The following CNIH4 variants were observed in gnomAD, a reference collection of about 807,000 sequenced individuals.
The protein encoded by CNIH4 is cornichon family member 4.
A neutral mutation model predicts 21.5 loss-of-function variants in CNIH4; 9 were observed. The ratio of observed to expected loss-of-function variants is 0.42; its 90% confidence interval spans 0.25 to 0.73. The LOEUF (loss-of-function observed/expected upper bound fraction) is 0.73, where lower values mean the gene tolerates loss of function less well. Ranked by LOEUF, CNIH4 falls within the 30% of genes least tolerant of loss-of-function variation. The pLI is 0.27. For missense variants in CNIH4, 159 were observed against 170.0 expected (o/e 0.94, Z 0.36); for synonymous variants, 67 against 59.1 (o/e 1.13, Z -0.61).
chr1:224,366,870 G>A (rs1291105563), intron 3 of CNIH4, among the ~76,000 whole-genome samples: 1 of 152,018 alleles, frequency 6.6e-6, no homozygotes, highest in African/African-American at 2.4e-5. Context: ...GGCTGAGGTG[G>A]GAGAATGGCG....
chr1:224,374,559 C>T (rs1425607524), intron 4 of CNIH4, among the ~76,000 whole-genome samples: 5 of 151,880 alleles, frequency 3.3e-5, no homozygotes, highest in Non-Finnish European at 5.9e-5. Flanking sequence ...GGATTATAGG[C>T]GCACGCCACC....
chr1:224,375,555 T>C (rs1256657771), intron 4 of CNIH4, among the ~76,000 whole-genome samples: 2 of 152,212 alleles, frequency 1.3e-5, no homozygotes, highest in African/African-American at 2.4e-5. Context: ...TTTTTAACTA[T>C]AGCCTAACAT....
chr1:224,371,110 C>G (rs10799569), intron 3 of CNIH4, among the ~76,000 whole-genome samples, 173 bp from the exon 4 acceptor site: 104,350 of 152,068 alleles, frequency 0.69, 38,242 homozygotes, highest in East Asian at 0.99. Context: ...CTCCTGACCT[C>G]AGGTGATCCA....
chr1:224,365,800 C>G (rs1195362450), intron 2 of CNIH4, 79 bp from the exon 3 acceptor site: 6 of 891,030 alleles, frequency 6.7e-6, no homozygotes, highest in Non-Finnish European at 1.1e-5. Flanking sequence ...TCTGTACGTT[C>G]ATTGATTTAG....
chr1:224,379,178 C>T lies in CNIH4; in HGVS notation c.*3356C>T, dbSNP rs1004825395. The T allele has an allele frequency of 1.5e-6, 2 of 1,343,644 alleles. No homozygotes were observed. The highest frequency in any genetic ancestry group is 1.3e-5 in the South Asian group (1 of 79,796). The allele number at this position is 1,343,644 out of a possible 1,614,324, so 83.2% of individuals were successfully genotyped here. A position where few individuals can be genotyped will look rare whatever the true frequency, so the allele number is the denominator to read the frequency against. On this transcript the variant is annotated 3_prime_UTR_variant, in exon 5 of 5. Transcript: ENST00000465271. ...AAGCCTAGCAGGTCCCCTCAGCTGC[C>T]TTTTCATGCCTGCCACAGACTACAG...
chr1:224,372,018 A>G (rs1646238770), intron 4 of CNIH4, among the ~76,000 whole-genome samples: 1 of 152,182 alleles, frequency 6.6e-6, no homozygotes, highest in Non-Finnish European at 1.5e-5. Flanking sequence ...TATGTGCCTC[A>G]GCGACCATCC....
chr1:224,360,208 T>G (rs1275933138), intron 1 of CNIH4, among the ~76,000 whole-genome samples: 1 of 148,636 alleles, frequency 6.7e-6, no homozygotes, highest in African/African-American at 2.6e-5. Context: ...TGCTGGGATA[T>G]TTCCCATTTT....
chr1:224,379,253 C>G lies in CNIH4; in HGVS notation c.*3431C>G, dbSNP rs921281639. The G allele has an allele frequency of 4.4e-6, 3 of 674,212 alleles. No homozygotes were observed. In the African/African-American group the frequency reaches 5.4e-5, roughly 12 times the overall value. The allele number at this position is 674,212 out of a possible 1,614,324, so 41.8% of individuals were successfully genotyped here. A position where few individuals can be genotyped will look rare whatever the true frequency, so the allele number is the denominator to read the frequency against. On this transcript the variant is annotated 3_prime_UTR_variant, in exon 5 of 5. Transcript: ENST00000465271. ...TGAAGTTAAGAGCTAAGAAAGCTTC[C>G]TATAGTAGTATCTCCCATGGCACTT...
intron 2 of CNIH4, chr1:224,364,158 A>G: frequency 6.1e-6 from 6 of 982,344 alleles, no homozygotes; most frequent in Non-Finnish European, 7.3e-6. Context: ...GAGGCCGAGG[A>G]GGGAGAATCA....
At chr1:224,369,966 GC>G (rs1282343414) in intron 3 of CNIH4, among the ~76,000 whole-genome samples, 20 of 152,132 alleles carry the variant, frequency 1.3e-4, no homozygotes, top group African/African-American at 4.3e-4. Flanking sequence ...GAGCCACTGT[GC>G]CCAGCCTTAC....
Position 224,360,538 on chromosome 1 carries a change from G to T in CNIH4, c.113G>T (p.Arg38Ile). Residue 38 changes from arginine to isoleucine, a missense_variant, in exon 2 of 5, where the codon AGA becomes ATA. Physicochemically the swap from Arg to Ile is moderately conservative, Grantham distance 97. Coordinates refer to ENST00000465271, the MANE Select transcript of CNIH4 (RefSeq NM_014184.4). ...SDLECDYINA[R>I]SCCSKLNKWV... The stretch of plus-strand genomic sequence containing the variant: ...TTAGAATGTGATTACATTAATGCTA[G>T]ATCATGTTGCTCAAAATTAAACAAG... The T allele has an allele frequency of 1.3e-6, 2 of 1,486,182 alleles. No individual in the cohort carries two copies. The highest frequency in any genetic ancestry group is 1.8e-6 in the Non-Finnish European group (2 of 1,112,734). The allele number at this position is 1,486,182 out of a possible 1,614,324, so 92.1% of individuals were successfully genotyped here.
chr1:224,371,826 C>T (rs1034682730), intron 4 of CNIH4, among the ~76,000 whole-genome samples: 4 of 152,208 alleles, frequency 2.6e-5, no homozygotes, highest in African/African-American at 9.6e-5. Context: ...CCTGTAATCC[C>T]AGCTACTTGG....
chr1:224,373,197 A>G (rs1558401006), intron 4 of CNIH4, among the ~76,000 whole-genome samples: 1 of 152,354 alleles, frequency 6.6e-6, no homozygotes, highest in East Asian at 1.9e-4. Context: ...AAAAAAGTTA[A>G]TGATGAGAAC....
At chr1:224,366,504 C>T (rs1424519432) in intron 3 of CNIH4, among the ~76,000 whole-genome samples, 2 of 151,746 alleles carry the variant, frequency 1.3e-5, no homozygotes, top group African/African-American at 4.8e-5. Context: ...GTGCCTGCCA[C>T]AGTGCCTGGC....
chr1:224,373,073 TAAA>T (rs1211904354), intron 4 of CNIH4, among the ~76,000 whole-genome samples: 2 of 152,134 alleles, frequency 1.3e-5, no homozygotes, highest in African/African-American at 4.8e-5. Flanking sequence ...TTCTGTGTCT[TAAA>T]AACTAGATCA....
chr1:224,357,842 G>A (rs1018463065), intron 1 of CNIH4, among the ~76,000 whole-genome samples: 2 of 152,092 alleles, frequency 1.3e-5, no homozygotes, highest in Non-Finnish European at 2.9e-5. Flanking sequence ...TAGCCATGTC[G>A]GCTACAACTC....
At chr1:224,362,886 C>G (rs929964260) in intron 2 of CNIH4, among the ~76,000 whole-genome samples, 2 of 152,068 alleles carry the variant, frequency 1.3e-5, no homozygotes, top group African/African-American at 4.8e-5. Context: ...TCTTCCCCAT[C>G]TTTTTTCCCT....
Position 224,377,484 on chromosome 1 carries a change from ATCT to A in CNIH4, c.*1664_*1666del, listed in dbSNP as rs1312358875. The A allele has an allele frequency of 7.0e-6, 1 of 143,862 alleles. No homozygotes were observed. Among genetic ancestry groups the A allele is most frequent in the African/African-American group, 2.6e-5 (1 of 37,888 alleles). 8.9% of individuals were successfully genotyped at this position (143,862 alleles called of 1,614,324 possible). ...GATAAGCTACTTAAAGGCGGTAGAG[ATCT>A]TTTTTTTTTTTTTTTTGAGATGGGG... is the stretch of plus-strand genomic sequence containing the variant. On this transcript the variant is annotated 3_prime_UTR_variant, in exon 5 of 5. Transcript: ENST00000465271.
Position 224,376,069 on chromosome 1 carries a change from T to C in CNIH4, c.*247T>C. On this transcript the variant is annotated 3_prime_UTR_variant, in exon 5 of 5. Coordinates refer to ENST00000465271, the MANE Select transcript of CNIH4 (RefSeq NM_014184.4). ...TTGAAGGTGTTTTTCATCCTCTGTA[T>C]GTTGAAGGTGGTTATTTGTATGTAG... The C allele has an allele frequency of 1.7e-6, 2 of 1,204,524 alleles. No homozygotes were observed. Among genetic ancestry groups the C allele is most frequent in the Non-Finnish European group, 2.1e-6 (2 of 967,308 alleles). The allele number at this position is 1,204,524 out of a possible 1,614,324, so 74.6% of individuals were successfully genotyped here.
Sources: allele counts gnomAD v4.1 joint callset (sites outside exome capture counted in the v4.1 genomes callset), GRCh38; gene constraint gnomAD v4.1.1; transcripts MANE v1.5; gene names NCBI Gene and HGNC (gene_info 2026-07-23, HGNC 2026-07-21).